Variants in PRKD1 observed in about 807,000 individuals in gnomAD.
PRKD1 encodes serine/threonine-protein kinase D1.
Under a neutral mutation model 95.9 loss-of-function variants are expected in PRKD1, and 63 were observed. The observed-to-expected ratio is 0.66, with a 90% CI of 0.54 to 0.81. The LOEUF is 0.81. PRKD1 is among the 30% of genes least tolerant of loss of function. The pLI, the probability that PRKD1 is intolerant of heterozygous loss-of-function variation, is 0.00. For missense variants in PRKD1, 1,048 were observed against 1,165.3 expected (o/e 0.90, Z 1.47); for synonymous variants, 425 against 423.1 (o/e 1.00, Z -0.05).
At chr14:29,903,012 C>G (rs1453455642) in intron 1 of PRKD1, among the ~76,000 whole-genome samples, 1 of 152,182 alleles carries the variant, frequency 6.6e-6, no homozygotes, top group Non-Finnish European at 1.5e-5. Flanking sequence ...TATTCCTGCC[C>G]TTTGGGCCCC....
chr14:29,693,726 A>C (rs1184943089), intron 2 of PRKD1, among the ~76,000 whole-genome samples: 1 of 151,844 alleles, frequency 6.6e-6, no homozygotes, highest in East Asian at 1.9e-4. Flanking sequence ...TCAAATCCAT[A>C]TTATCTTGTA....
intron 1 of PRKD1, among the ~76,000 whole-genome samples, chr14:29,912,656 CCTA>C (rs1894758059): frequency 1.3e-5 from 2 of 152,290 alleles, no homozygotes; most frequent in East Asian, 3.9e-4. Context: ...CTCTTATTTG[CCTA>C]CTTATTTTTT....
chr14:29,746,508 A>G (rs1887225368), intron 1 of PRKD1, among the ~76,000 whole-genome samples: 1 of 148,236 alleles, frequency 6.7e-6, no homozygotes, highest in African/African-American at 2.6e-5. Context: ...TCTATTATTT[A>G]TCTCATTGTG....
At chr14:29,611,883 T>C (rs1878495718) in intron 13 of PRKD1, among the ~76,000 whole-genome samples, 1 of 152,192 alleles carries the variant, frequency 6.6e-6, no homozygotes, top group South Asian at 2.1e-4. Flanking sequence ...TGGAAAACTT[T>C]TTATTTCCTG....
intron 1 of PRKD1, among the ~76,000 whole-genome samples, chr14:29,801,929 C>T (rs546091159): frequency 1.2e-4 from 18 of 152,280 alleles, no homozygotes; most frequent in Admixed American, 1.2e-3. Context: ...CTCAGGTGAT[C>T]CACCCGCCTC....
intron 1 of PRKD1, among the ~76,000 whole-genome samples, chr14:29,797,789 A>G (rs1889878234): frequency 6.6e-6 from 1 of 152,208 alleles, no homozygotes; most frequent in Non-Finnish European, 1.5e-5. Flanking sequence ...AGTGGTGCCC[A>G]TAAAGTGGAA....
Position 29,725,622 on chromosome 14 carries a change from T to C in PRKD1, c.317A>G (p.His106Arg), listed in dbSNP as rs1886101666. 1.9e-6 allele frequency: 3 copies of C among 1,613,666 alleles called. No individual in the cohort carries two copies. Among genetic ancestry groups the C allele is most frequent in the East Asian group, 4.5e-5 (2 of 44,864 alleles). The part of the protein sequence containing the change: ...GMYDKILLFR[H>R]DPTSENILQL... ...AAGGATGTTTTCAGAGGTAGGGTCA[T>C]GGCGAAAAAGCAGGATCTTATCATA... The change falls in exon 2 of 18, where the codon CAT becomes CGT. Residue 106 changes from histidine to arginine, a missense_variant. Physicochemically the swap from His to Arg is conservative, Grantham distance 29. Coordinates refer to ENST00000331968, the MANE Select transcript of PRKD1 (RefSeq NM_002742.3).
At position 29,677,897 on chromosome 14, in the gene PRKD1, T is replaced by C. The variant is rs775852800; in HGVS notation, c.404-11689A>G. On this transcript the variant is annotated intron_variant, in intron 2 of 17. Coordinates refer to ENST00000331968, the MANE Select transcript of PRKD1 (RefSeq NM_002742.3). Reference sequence around the variant, plus strand: ...TCTTTTCTTAACCTTGAATGGACTGTGCCTTACATTGTATAGTTAAATATG... The same window carrying C: ...TCTTTTCTTAACCTTGAATGGACTGCGCCTTACATTGTATAGTTAAATATG... 2.4e-4 allele frequency among the ~76,000 whole-genome samples: 36 copies of C among 152,348 alleles called. 1 individual carries two copies. Among genetic ancestry groups the C allele is most frequent in the Non-Finnish European group, 4.1e-4 (28 of 68,036 alleles).
At chr14:29,753,897 C>G (rs12896582) in intron 1 of PRKD1, among the ~76,000 whole-genome samples, 22,545 of 152,128 alleles carry the variant, frequency 0.15, 1,996 homozygotes, top group South Asian at 0.22. Context: ...AACGGATAGC[C>G]TGATGCATGC....
At chr14:29,829,585 A>T (rs760668150) in intron 1 of PRKD1, among the ~76,000 whole-genome samples, 6 of 152,170 alleles carry the variant, frequency 3.9e-5, no homozygotes, top group Non-Finnish European at 8.8e-5. Context: ...ATTTGTTTCT[A>T]GCTACTCTTG....
chr14:29,607,255 A>G (rs1336222380), intron 13 of PRKD1, among the ~76,000 whole-genome samples: 4 of 152,200 alleles, frequency 2.6e-5, no homozygotes, highest in African/African-American at 9.6e-5. Context: ...TATCAGATTA[A>G]GTATGAACTG....
chr14:29,844,301 C>T (rs771279457), intron 1 of PRKD1, among the ~76,000 whole-genome samples: 30 of 152,050 alleles, frequency 2.0e-4, no homozygotes, highest in East Asian at 1.9e-4. Context: ...GTGAGTTGCA[C>T]GTGTTGTGTA....
At chr14:29,839,852 A>T (rs958226034) in intron 1 of PRKD1, among the ~76,000 whole-genome samples, 1 of 151,968 alleles carries the variant, frequency 6.6e-6, no homozygotes, top group Non-Finnish European at 1.5e-5. Context: ...AGCAGCTGGG[A>T]TGCAGGGCAC....
chr14:29,637,888 C>T (rs191448634), intron 6 of PRKD1, among the ~76,000 whole-genome samples: 198 of 152,326 alleles, frequency 1.3e-3, no homozygotes, highest in African/African-American at 4.7e-3. Flanking sequence ...ATAAAGACCA[C>T]TATCTGCAGA....
intron 1 of PRKD1, among the ~76,000 whole-genome samples, chr14:29,858,026 C>T (rs950444925): frequency 1.3e-5 from 2 of 152,278 alleles, no homozygotes; most frequent in East Asian, 1.9e-4. Flanking sequence ...AGTTGTTTAA[C>T]TTTTTTTGTA....
Position 29,927,359 on chromosome 14 carries a change from G to A in PRKD1, c.154C>T (p.His52Tyr). The A allele has an allele frequency of 6.4e-7, 1 of 1,565,704 alleles. No homozygotes were observed. The highest frequency in any genetic ancestry group is 8.6e-7 in the Non-Finnish European group (1 of 1,158,286). Residue 52 changes from histidine to tyrosine, a missense_variant, in exon 1 of 18, where the codon CAT (histidine) becomes TAT (tyrosine). Physicochemically the swap from His to Tyr is moderately conservative, Grantham distance 83. This residue lies in a region of PRKD1 where 275 missense variants were observed against 248.6 expected (regional missense o/e 1.11). Transcript: ENST00000331968. ...VAAPVGGISF[H>Y]LQIGLSREPV... Reference sequence around the variant, plus strand: ...TCACGGCTCAGGCCGATCTGCAGATGGAACGAGATGCCCCCGACCGGGGCC... The same window carrying A: ...TCACGGCTCAGGCCGATCTGCAGATAGAACGAGATGCCCCCGACCGGGGCC...
intron 1 of PRKD1, among the ~76,000 whole-genome samples, chr14:29,769,153 T>G (rs1430290184): frequency 2.6e-5 from 4 of 152,022 alleles, no homozygotes; most frequent in Non-Finnish European, 5.9e-5. Flanking sequence ...TCATGGGAGA[T>G]TCATGTATCA....
chr14:29,665,016 G>C (rs529816077), intron 3 of PRKD1, among the ~76,000 whole-genome samples: 9 of 152,142 alleles, frequency 5.9e-5, no homozygotes, highest in Admixed American at 1.3e-4. Context: ...ACCATATAGG[G>C]GTGAAACATG....
intron 13 of PRKD1, among the ~76,000 whole-genome samples, chr14:29,613,426 T>C (rs1032065413): frequency 6.6e-6 from 1 of 151,914 alleles, no homozygotes; most frequent in Non-Finnish European, 1.5e-5. Flanking sequence ...CAAGTTACTA[T>C]GTCTTTTAAA....
Sources: gnomAD v4.1 joint callset for allele counts (sites outside exome capture counted in the v4.1 genomes callset) on GRCh38, gnomAD v4.1.1 for gene constraint, gnomAD v4.1.1 regional missense constraint, MANE v1.5 for transcripts, NCBI Gene and HGNC (gene_info 2026-07-23, HGNC 2026-07-21) for gene names.